The following ROBO1 variants were observed in gnomAD, a reference collection of about 807,000 sequenced individuals.
The protein encoded by ROBO1 is roundabout homolog 1.
ROBO1 carries 149 observed loss-of-function variants against 195.9 expected under a neutral mutation model. That is an observed-to-expected ratio of 0.76 (90% confidence interval 0.67 to 0.87). ROBO1 has a LOEUF of 0.87. Among genes scored for constraint, ROBO1 ranks in the 40% least tolerant of loss-of-function variants. The probability of loss-of-function intolerance (pLI) is 0.00; values close to 1 mark genes in which losing one functional copy is unlikely to be tolerated. For synonymous variants in ROBO1, 816 were observed against 733.2 expected, an observed-to-expected ratio of 1.11 and a Z score of -1.82; for missense variants, 1,933 against 2,068.3, an observed-to-expected ratio of 0.93 and a Z score of 1.27.
intron 2 of ROBO1, among the ~76,000 whole-genome samples, chr3:79,154,317 A>AT (rs2108646175): frequency 6.6e-6 from 1 of 151,916 alleles, no homozygotes; most frequent in South Asian, 2.1e-4. Flanking sequence ...ACTTGAGGCC[A>AT]TGTAAGGTCA....
chr3:79,632,611 T>A (rs550327143), intron 1 of ROBO1, among the ~76,000 whole-genome samples: 17 of 152,138 alleles, frequency 1.1e-4, no homozygotes, highest in Non-Finnish European at 1.8e-4. Flanking sequence ...TGCAAATGTA[T>A]CCCCTGAATC....
At chr3:79,743,629 T>C (rs920252907) in intron 1 of ROBO1, among the ~76,000 whole-genome samples, 1 of 152,244 alleles carries the variant, frequency 6.6e-6, no homozygotes, top group Non-Finnish European at 1.5e-5. Context: ...AATATTTTAC[T>C]CTTTTGTAAC....
At chr3:78,884,879 T>C (rs1191454117) in intron 4 of ROBO1, among the ~76,000 whole-genome samples, 1 of 151,722 alleles carries the variant, frequency 6.6e-6, no homozygotes, top group Non-Finnish European at 1.5e-5. Context: ...TGTGTGTGTG[T>C]GTGTGTGTGT....
At chr3:79,413,844 A>G (rs973177763) in intron 2 of ROBO1, among the ~76,000 whole-genome samples, 3 of 152,136 alleles carry the variant, frequency 2.0e-5, no homozygotes, top group African/African-American at 7.2e-5. Flanking sequence ...ATGAAAATCC[A>G]TATACTGTTT....
chr3:78,782,931 T>A (rs1467856650), intron 4 of ROBO1, among the ~76,000 whole-genome samples: 6 of 152,168 alleles, frequency 3.9e-5, no homozygotes, highest in African/African-American at 1.4e-4. Context: ...TTGAATAAAC[T>A]CATTCAGGTT....
intron 3 of ROBO1, among the ~76,000 whole-genome samples, chr3:79,068,480 T>C (rs2079037383): frequency 6.6e-6 from 1 of 151,972 alleles, no homozygotes; most frequent in Non-Finnish European, 1.5e-5. Context: ...GTTTCTTATA[T>C]ACTTTATTAT....
intron 4 of ROBO1, among the ~76,000 whole-genome samples, chr3:78,805,755 T>G (rs960988454): frequency 2.0e-5 from 3 of 152,120 alleles, no homozygotes; most frequent in African/African-American, 7.2e-5. Context: ...TAAAATATAC[T>G]CTAGATATAG....
At chr3:79,760,447 A>G (rs1704634395) in intron 1 of ROBO1, among the ~76,000 whole-genome samples, 1 of 150,462 alleles carries the variant, frequency 6.6e-6, no homozygotes, top group Admixed American at 6.6e-5. Context: ...TCCTTCATTA[A>G]GAAGAAAAAA....
chr3:79,015,553 C>G (rs1275188505), intron 3 of ROBO1, among the ~76,000 whole-genome samples: 1 of 152,000 alleles, frequency 6.6e-6, no homozygotes, highest in African/African-American at 2.4e-5. Context: ...GAATCAGATC[C>G]TGAGAGATCA....
intron 26 of ROBO1, among the ~76,000 whole-genome samples, chr3:78,618,744 A>AT (rs1165230915): frequency 6.6e-6 from 1 of 152,302 alleles, no homozygotes; most frequent in East Asian, 1.9e-4. Flanking sequence ...ATTTAAAGGT[A>AT]TTTTTTCTTA....
chr3:78,891,838 A>G (rs915611525), intron 4 of ROBO1, among the ~76,000 whole-genome samples: 8 of 152,348 alleles, frequency 5.3e-5, no homozygotes, highest in African/African-American at 1.9e-4. Flanking sequence ...CCACATCAAA[A>G]TAGCATAAAC....
In ROBO1 at chr3:78,606,964, G is replaced by A. The variant is rs182523991; in HGVS notation, c.4513C>T (p.Pro1505Ser). The change falls in exon 29 of 31, where the codon CCT (proline) becomes TCT (serine). Residue 1505 changes from proline to serine, a missense_variant. This residue lies in a region of ROBO1 where 1,737 missense variants were observed against 1,882.5 expected (regional missense o/e 0.92). Coordinates refer to ENST00000464233, the MANE Select transcript of ROBO1 (RefSeq NM_002941.4). ...GAAGGGAGTTTTGGCACCACTACAG[G>A]TCGTACTTCCAGCTGTGTCTTGGAT... ...AQSKTQLEVR[P>S]VVVPKLPSMD... 225 of 1,613,828 alleles carry A rather than the reference G, an allele frequency of 1.4e-4. No individual in the cohort carries two copies. The East Asian group carries it at 3.9e-3, about 28-fold the overall frequency.
chr3:79,725,371 C>T (rs965062529), intron 1 of ROBO1, among the ~76,000 whole-genome samples: 5 of 151,342 alleles, frequency 3.3e-5, no homozygotes, highest in African/African-American at 7.3e-5. Flanking sequence ...GGACTACAGG[C>T]GCCCGCCACC....
chr3:78,718,311 T>G (rs528183075), intron 5 of ROBO1, among the ~76,000 whole-genome samples: 1 of 152,290 alleles, frequency 6.6e-6, no homozygotes, highest in African/African-American at 2.4e-5. Context: ...TTCAAGAAAA[T>G]GTATTCTAGC....
intron 2 of ROBO1, among the ~76,000 whole-genome samples, chr3:79,407,854 G>A (rs1575783615): frequency 1.3e-5 from 2 of 152,086 alleles, no homozygotes; most frequent in East Asian, 1.9e-4. Flanking sequence ...ATAATTCGAT[G>A]TATAGTGAAG....
chr3:79,711,136 T>C (rs944488163), intron 1 of ROBO1, among the ~76,000 whole-genome samples: 7 of 152,182 alleles, frequency 4.6e-5, no homozygotes, highest in African/African-American at 1.4e-4. Context: ...AATATGAATC[T>C]ACTTGTGAGT....
chr3:78,689,331 G>A (rs1450709679), intron 8 of ROBO1, among the ~76,000 whole-genome samples: 1 of 152,050 alleles, frequency 6.6e-6, no homozygotes, highest in African/African-American at 2.4e-5. Flanking sequence ...GAATATATAT[G>A]GAAATGAGGG....
At position 78,870,587 on chromosome 3, in the gene ROBO1, T is replaced by C. The variant is rs191675226; in HGVS notation, c.499+68014A>G. The stretch of plus-strand genomic sequence containing the variant: ...ATTGGTAGGAATAAAAGGCTTTCCC[T>C]TGCACTGCCTTACCAAAAGGAAATG... On this transcript the variant is annotated intron_variant, in intron 4 of 30. Transcript: ENST00000464233. Among the ~76,000 whole-genome samples, 128 of 152,294 alleles carry C rather than the reference T, an allele frequency of 8.4e-4. 2 individuals are homozygous for C. Among genetic ancestry groups the C allele is most frequent in the Admixed American group, 1.7e-3 (26 of 15,284 alleles).
intron 1 of ROBO1, among the ~76,000 whole-genome samples, chr3:79,739,364 A>T (rs1262499193): frequency 6.6e-6 from 1 of 152,172 alleles, no homozygotes; most frequent in Non-Finnish European, 1.5e-5. Flanking sequence ...TGAAATAAGT[A>T]TAATTTTTAA....
Sources: allele counts gnomAD v4.1 joint callset (sites outside exome capture counted in the v4.1 genomes callset), GRCh38; gene constraint gnomAD v4.1.1; regional missense constraint gnomAD v4.1.1; transcripts MANE v1.5; gene names NCBI Gene and HGNC (gene_info 2026-07-23, HGNC 2026-07-21).